Variants in SLC44A5 observed in about 807,000 individuals in gnomAD.
SLC44A5 encodes solute carrier family 44 member 5, also known as choline transporter-like protein 5.
In SLC44A5, 57 loss-of-function variants were observed where a neutral mutation model predicts 101.8. That is an observed-to-expected ratio of 0.56 (90% CI 0.45 to 0.70). SLC44A5 has a LOEUF of 0.70. Among genes scored for constraint, SLC44A5 ranks in the 30% least tolerant of loss-of-function variants. The probability of loss-of-function intolerance (pLI) is 0.00; values close to 1 mark genes in which losing one functional copy is unlikely to be tolerated. For synonymous variants in SLC44A5, 281 were observed against 290.9 expected (o/e 0.97, Z 0.35); for missense variants, 737 against 853.1 (o/e 0.86, Z 1.70).
chr1:75,305,666 CCTCCT>C (rs1214226560), intron 4 of SLC44A5, among the ~76,000 whole-genome samples: 1 of 152,224 alleles, frequency 6.6e-6, no homozygotes, highest in Admixed American at 6.5e-5. Flanking sequence ...CTAGACTCCC[CCTCCT>C]GGGATAACCA....
chr1:75,703,360 C>G, the SLC44A5 span, among the ~76,000 whole-genome samples: 11 of 152,134 alleles, frequency 7.2e-5, no homozygotes, highest in African/African-American at 2.2e-4. Flanking sequence ...GTCCTTTGTA[C>G]GGACACGGAT....
chr1:75,563,239 A>T (rs1672616805), intron 1 of SLC44A5, among the ~76,000 whole-genome samples: 1 of 152,134 alleles, frequency 6.6e-6, no homozygotes, highest in African/African-American at 2.4e-5. Flanking sequence ...ATGTAAAACT[A>T]AATTAAGCAG....
At position 75,565,006 on chromosome 1, in the gene SLC44A5, AT is replaced by A. The variant is rs1672719577; in HGVS notation, c.-69-23491del. ...ACAGATAAACATGTGCCATGGTAGA[AT>A]TTTAATATCTGCAAATGACCTAGAA... On this transcript the variant is annotated intron_variant, in intron 1 of 23. Transcript: ENST00000370859. Among the ~76,000 whole-genome samples, 4 of 152,294 alleles carry A rather than the reference AT, an allele frequency of 2.6e-5. No individual in the cohort carries two copies. In the South Asian group the frequency reaches 8.3e-4, roughly 32 times the overall value.
intron 2 of SLC44A5, among the ~76,000 whole-genome samples, chr1:75,512,504 C>T (rs1669619282): frequency 6.6e-6 from 1 of 152,140 alleles, no homozygotes; most frequent in Non-Finnish European, 1.5e-5. Flanking sequence ...ATATTAACAG[C>T]TGAAACTTTT....
At chr1:75,509,937 G>A (rs1178807500) in intron 2 of SLC44A5, among the ~76,000 whole-genome samples, 3 of 152,176 alleles carry the variant, frequency 2.0e-5, no homozygotes, top group Non-Finnish European at 4.4e-5. Flanking sequence ...TTGACTCACA[G>A]TTCCACATGA....
intron 2 of SLC44A5, among the ~76,000 whole-genome samples, chr1:75,490,240 A>C (rs1002993155): frequency 1.3e-5 from 2 of 152,182 alleles, no homozygotes; most frequent in Admixed American, 6.5e-5. Context: ...GATATGAAGA[A>C]TCATTATCAT....
At chr1:75,300,133 GCT>G (rs1486605505) in intron 5 of SLC44A5, among the ~76,000 whole-genome samples, 1 of 32,810 alleles carries the variant, frequency 3.0e-5, no homozygotes, top group Non-Finnish European at 6.8e-5. Flanking sequence ...ATCTTTGCTA[GCT>G]ATCACTTGGG....
intron 4 of SLC44A5, among the ~76,000 whole-genome samples, chr1:75,303,891 G>A (rs558791718): frequency 4.1e-4 from 62 of 152,110 alleles, no homozygotes; most frequent in Non-Finnish European, 6.5e-4. Flanking sequence ...CCAACATGGC[G>A]CATGTATACA....
the SLC44A5 span, among the ~76,000 whole-genome samples, chr1:75,687,394 C>T: frequency 6.6e-6 from 1 of 152,282 alleles, no homozygotes; most frequent in South Asian, 2.1e-4. Context: ...ACCTCCACCT[C>T]CTGGGTTCAT....
chr1:75,451,463 C>A (rs1665904625), intron 2 of SLC44A5, among the ~76,000 whole-genome samples: 1 of 151,782 alleles, frequency 6.6e-6, no homozygotes, highest in Non-Finnish European at 1.5e-5. Context: ...CATCGTACTC[C>A]CTAGGAAGGG....
chr1:75,699,478 G>A, the SLC44A5 span, among the ~76,000 whole-genome samples: 419 of 151,886 alleles, frequency 2.8e-3, no homozygotes, highest in Non-Finnish European at 4.7e-3. Flanking sequence ...CACCCGGCCT[G>A]CCCTAAAAAA....
chr1:75,430,803 C>G (rs963667898), intron 2 of SLC44A5, among the ~76,000 whole-genome samples: 1 of 152,210 alleles, frequency 6.6e-6, no homozygotes, highest in African/African-American at 2.4e-5. Context: ...AAGATAGTCT[C>G]AAGGGCAGCA....
intron 5 of SLC44A5, among the ~76,000 whole-genome samples, chr1:75,285,314 TG>T (rs1386362994): frequency 6.6e-6 from 1 of 152,118 alleles, no homozygotes; most frequent in East Asian, 1.9e-4. Flanking sequence ...AATAATCTTT[TG>T]TATTTCTGTG....
chr1:75,443,233 T>C (rs1665308778), intron 2 of SLC44A5, among the ~76,000 whole-genome samples: 1 of 151,860 alleles, frequency 6.6e-6, no homozygotes, highest in Non-Finnish European at 1.5e-5. Context: ...AGCTTTGAAC[T>C]TAAGAAGTCA....
At chr1:75,250,462 T>C (rs1280564509) in intron 7 of SLC44A5, among the ~76,000 whole-genome samples, 2 of 152,192 alleles carry the variant, frequency 1.3e-5, no homozygotes, top group Non-Finnish European at 1.5e-5. Flanking sequence ...GCAGTGAACA[T>C]ACATGTGCAT....
At chr1:75,400,825 C>G (rs1662431161) in intron 2 of SLC44A5, among the ~76,000 whole-genome samples, 2 of 152,232 alleles carry the variant, frequency 1.3e-5, no homozygotes, top group African/African-American at 4.8e-5. Context: ...AGAGAAGGCT[C>G]AGTGCCATGA....
At chr1:75,704,304 C>T in the SLC44A5 span, among the ~76,000 whole-genome samples, 1 of 152,014 alleles carries the variant, frequency 6.6e-6, no homozygotes, top group Non-Finnish European at 1.5e-5. Context: ...AGTGATTACT[C>T]AATATAAGCT....
chr1:75,613,982 A>G (rs1365986184), upstream of SLC44A5, among the ~76,000 whole-genome samples: 1 of 152,196 alleles, frequency 6.6e-6, no homozygotes, highest in Non-Finnish European at 1.5e-5. Context: ...GCTACCATGT[A>G]CTGTAAAACT....
intron 2 of SLC44A5, among the ~76,000 whole-genome samples, chr1:75,444,333 GA>G (rs1472087066): frequency 9.3e-6 from 1 of 108,034 alleles, no homozygotes; most frequent in African/African-American, 3.4e-5. Context: ...AAAAAAGAAA[GA>G]AAGAAGGAGG....
Sources: gnomAD v4.1 joint callset for allele counts (sites outside exome capture counted in the v4.1 genomes callset) on GRCh38, gnomAD v4.1.1 for gene constraint, MANE v1.5 for transcripts, NCBI Gene and HGNC (gene_info 2026-07-23, HGNC 2026-07-21) for gene names.